The following ZFYVE9 variants were observed in gnomAD, a reference collection of about 807,000 sequenced individuals.
ZFYVE9 encodes zinc finger FYVE domain-containing protein 9.
ZFYVE9 carries 43 observed loss-of-function variants against 126.7 expected under a neutral mutation model. The ratio of observed to expected loss-of-function variants is 0.34; its 90% CI spans 0.27 to 0.44. ZFYVE9 has a LOEUF of 0.44. ZFYVE9 is among the 20% of genes least tolerant of loss of function. The pLI is 1.00. For missense variants in ZFYVE9, 1,476 were observed against 1,697.0 expected (o/e 0.87, Z 2.29); for synonymous variants, 521 against 597.4 (o/e 0.87, Z 1.87).
At chr1:52,181,434 A>G (rs1644702099) in intron 1 of ZFYVE9, among the ~76,000 whole-genome samples, 1 of 152,094 alleles carries the variant, frequency 6.6e-6, no homozygotes, top group South Asian at 2.1e-4. Context: ...GGCTCGCTAC[A>G]ATCTCCACCT....
At chr1:52,319,346 T>C (rs1420397811) in intron 13 of ZFYVE9, among the ~76,000 whole-genome samples, 3 of 152,038 alleles carry the variant, frequency 2.0e-5, no homozygotes, top group African/African-American at 7.2e-5. Context: ...AAAAATTGGC[T>C]GGGCACAGTG....
chr1:52,322,114 A>G (rs997228261), intron 13 of ZFYVE9, among the ~76,000 whole-genome samples: 3 of 152,214 alleles, frequency 2.0e-5, no homozygotes, highest in Non-Finnish European at 4.4e-5. Context: ...ATCTAAATTA[A>G]TGACAGTGCT....
intron 1 of ZFYVE9, among the ~76,000 whole-genome samples, chr1:52,204,238 T>C (rs1644952255): frequency 6.6e-6 from 1 of 152,132 alleles, no homozygotes; most frequent in Non-Finnish European, 1.5e-5. Flanking sequence ...AGTCTCAGTC[T>C]TTTAGCAAGC....
intron 18 of ZFYVE9, chr1:52,345,654 C>G (rs545242254): frequency 1.3e-5 from 2 of 156,882 alleles, no homozygotes; most frequent in African/African-American, 4.8e-5. Flanking sequence ...TGTAGTTGCT[C>G]AGAATGGTGC....
At chr1:52,278,466 T>A in intron 8 of ZFYVE9, 26 bp from the exon 9 acceptor site, 1 of 1,613,904 alleles carries the variant, frequency 6.2e-7, no homozygotes, top group Non-Finnish European at 8.5e-7. Flanking sequence ...TTAACCAATC[T>A]ATTACATTGT....
chr1:52,306,028 G>A (rs945640474), intron 13 of ZFYVE9, among the ~76,000 whole-genome samples: 1 of 152,190 alleles, frequency 6.6e-6, no homozygotes. Context: ...ATAGCAGGAG[G>A]CAAACACGTT....
chr1:52,277,317 T>C (rs2147812375), intron 8 of ZFYVE9, among the ~76,000 whole-genome samples: 1 of 152,302 alleles, frequency 6.6e-6, no homozygotes, highest in East Asian at 1.9e-4. Flanking sequence ...GGGAACTAAA[T>C]TGGCCTACTC....
intron 1 of ZFYVE9, among the ~76,000 whole-genome samples, chr1:52,193,393 CAAAA>C (rs397863555): frequency 9.4e-5 from 9 of 95,810 alleles, no homozygotes; most frequent in East Asian, 2.9e-4. Context: ...TTGTCAGTAT[CAAAA>C]AAAAAAAAAA....
At chr1:52,166,449 A>G (rs1017923051) in intron 1 of ZFYVE9, among the ~76,000 whole-genome samples, 1 of 152,198 alleles carries the variant, frequency 6.6e-6, no homozygotes, top group African/African-American at 2.4e-5. Flanking sequence ...GCCTGTTTAA[A>G]AGTTTTTATA....
intron 13 of ZFYVE9, among the ~76,000 whole-genome samples, chr1:52,305,000 A>G (rs1646069136): frequency 6.6e-6 from 1 of 152,186 alleles, no homozygotes; most frequent in Non-Finnish European, 1.5e-5. Flanking sequence ...GAGTGCAGTA[A>G]TGCAATCTTT....
At chr1:52,192,753 G>T (rs541547413) in intron 1 of ZFYVE9, among the ~76,000 whole-genome samples, 4 of 152,156 alleles carry the variant, frequency 2.6e-5, no homozygotes, top group Admixed American at 6.5e-5. Context: ...AATGGACAAA[G>T]AATTTGAACA....
At chr1:52,202,446 A>T (rs947135382) in intron 1 of ZFYVE9, among the ~76,000 whole-genome samples, 4 of 151,590 alleles carry the variant, frequency 2.6e-5, no homozygotes, top group African/African-American at 9.7e-5. Context: ...CCGTCCGGCT[A>T]ATTTTTGTAT....
intron 1 of ZFYVE9, among the ~76,000 whole-genome samples, chr1:52,216,125 T>C (rs998105922): frequency 6.6e-6 from 1 of 152,248 alleles, no homozygotes; most frequent in Admixed American, 6.5e-5. Flanking sequence ...CACTTTGCAT[T>C]ATCCATTGAA....
At position 52,237,955 on chromosome 1, in the gene ZFYVE9, G is replaced by A. The variant is rs762212848; in HGVS notation, c.538G>A (p.Ala180Thr). Reference sequence around the variant, plus strand: ...TTATAATAGTCAATCCCTTATGGATGCTTTTAGCTGTTCACTGGATAATGA... The same window carrying A: ...TTATAATAGTCAATCCCTTATGGATACTTTTAGCTGTTCACTGGATAATGA... Reference protein sequence around the residue: ...NNYNSQSLMDAFSCSLDNENR... With the variant: ...NNYNSQSLMDTFSCSLDNENR... Residue 180 changes from alanine to threonine, a missense_variant, in exon 4 of 19, where the codon GCT becomes ACT. Transcript: ENST00000287727. 1.4e-5 allele frequency: 22 copies of A among 1,613,900 alleles called. No individual in the cohort carries two copies. The East Asian group carries it at 3.1e-4, about 23-fold the overall frequency.
At chr1:52,195,900 C>T (rs1644855459) in intron 1 of ZFYVE9, among the ~76,000 whole-genome samples, 2 of 151,906 alleles carry the variant, frequency 1.3e-5, no homozygotes, top group South Asian at 4.2e-4. Context: ...TCAAGCAATT[C>T]TCCTGCCTCA....
intron 1 of ZFYVE9, among the ~76,000 whole-genome samples, chr1:52,166,102 C>T (rs1433256601): frequency 1.3e-5 from 2 of 152,132 alleles, no homozygotes; most frequent in South Asian, 2.1e-4. Context: ...AGACTTTACT[C>T]GAGTTGAGAT....
intron 13 of ZFYVE9, among the ~76,000 whole-genome samples, chr1:52,322,051 C>T (rs151144908): frequency 1.0e-3 from 155 of 152,316 alleles, no homozygotes; most frequent in Non-Finnish European, 2.0e-3. Context: ...CTTGCATACA[C>T]ATTTCAAGCT....
intron 12 of ZFYVE9, among the ~76,000 whole-genome samples, chr1:52,302,882 G>T (rs1646048695): frequency 6.6e-6 from 1 of 152,126 alleles, no homozygotes; most frequent in Non-Finnish European, 1.5e-5. Context: ...GACCGAGGCA[G>T]GTGGATCACC....
intron 7 of ZFYVE9, among the ~76,000 whole-genome samples, chr1:52,270,061 A>G (rs140575950): frequency 6.7e-4 from 102 of 152,176 alleles, no homozygotes; most frequent in African/African-American, 2.4e-3. Context: ...CATTTGCTCT[A>G]CCACTTCACA....
Sources: gnomAD v4.1 joint callset for allele counts (sites outside exome capture counted in the v4.1 genomes callset) on GRCh38, gnomAD v4.1.1 for gene constraint, MANE v1.5 for transcripts, NCBI Gene and HGNC (gene_info 2026-07-23, HGNC 2026-07-21) for gene names.